The following LPIN1 variants were observed in gnomAD, a reference collection of about 807,000 sequenced individuals.
LPIN1 encodes lipin 1, also known as phosphatidate phosphatase LPIN1.
A neutral mutation model predicts 107.5 loss-of-function variants in LPIN1; 71 were observed. That is an observed-to-expected ratio of 0.66 (90% confidence interval 0.55 to 0.80). The LOEUF (loss-of-function observed/expected upper bound fraction) is 0.80. Among genes scored for constraint, LPIN1 ranks in the 30% least tolerant of loss-of-function variants. LPIN1 has a pLI of 0.00. For missense variants in LPIN1, 1,043 were observed against 1,160.6 expected (o/e 0.90, Z 1.47); for synonymous variants, 445 against 452.6 (o/e 0.98, Z 0.21).
chr2:11,759,133 TTTTCTTTCTTTCTTTCTTTCTTTCTTTC>T (rs201897285), intron 1 of LPIN1, among the ~76,000 whole-genome samples: 17 of 131,534 alleles, frequency 1.3e-4, no homozygotes, highest in African/African-American at 3.8e-4. Context: ...GCTTTCTTTC[TTTTCTTTCTTTCTTTCTTTCTTTCTTTC>T]TTTCTTTCTT....
At chr2:11,680,662 A>G (rs1303291837) in intron 1 of LPIN1, among the ~76,000 whole-genome samples, 1 of 152,204 alleles carries the variant, frequency 6.6e-6, no homozygotes. Context: ...CTGCGGGGTC[A>G]GCTTGAGCAA....
intron 12 of LPIN1, among the ~76,000 whole-genome samples, chr2:11,790,271 G>A (rs1471574145): frequency 2.0e-5 from 3 of 152,218 alleles, no homozygotes; most frequent in Non-Finnish European, 4.4e-5. Flanking sequence ...GATCTCATAT[G>A]ATGAGGATCT....
intron 1 of LPIN1, among the ~76,000 whole-genome samples, chr2:11,704,717 TCA>T (rs1285563807): frequency 2.0e-5 from 3 of 152,140 alleles, no homozygotes; most frequent in Non-Finnish European, 4.4e-5. Context: ...GGTAAATGTC[TCA>T]CAGTCACACA....
At chr2:11,743,651 G>A (rs1358794609), upstream of LPIN1, among the ~76,000 whole-genome samples, 1 of 152,172 alleles carries the variant, frequency 6.6e-6, no homozygotes, top group African/African-American at 2.4e-5. This position sits in a 1 kb window ranked among gnomAD's most constrained non-coding sequence, Gnocchi z 4.7. Context: ...CTGGTGCCAG[G>A]GATAAAAGTC....
chr2:11,789,901 T>C (rs1421774498), intron 12 of LPIN1, among the ~76,000 whole-genome samples: 1 of 152,256 alleles, frequency 6.6e-6, no homozygotes, highest in Non-Finnish European at 1.5e-5. Context: ...AGTCAGTAAC[T>C]TTTGACTATA....
rs1421899260 is a variant in LPIN1 at position 11,697,492 on chromosome 2, C to A, written c.82-16264C>A. ...TTTGGCCTAGAAGCTGGAAGTCTGC[C>A]CGAATCTGTGCGTCGTGTCTTGGGA... On this transcript the variant is annotated intron_variant, in intron 1 of 21. Coordinates refer to the LPIN1 transcript ENST00000449576. This position sits in a 1 kb window ranked among gnomAD's most constrained non-coding sequence, Gnocchi z 4.6. 6.6e-6 allele frequency among the ~76,000 whole-genome samples: 1 copy of A among 152,234 alleles called. No homozygotes were observed. The highest frequency in any genetic ancestry group is 1.5e-5 in the Non-Finnish European group (1 of 68,046).
At position 11,806,004 on chromosome 2, in the gene LPIN1, C is replaced by T. The variant is rs79946866; in HGVS notation, c.2249+848C>T. Among the ~76,000 whole-genome samples, 1,233 of 152,310 alleles carry T rather than the reference C, an allele frequency of 8.1e-3. 71 individuals carry two copies. The East Asian group carries it at 0.15, about 19-fold the overall frequency. On this transcript the variant is annotated intron_variant, in intron 17 of 20. Coordinates refer to ENST00000674199, the MANE Select transcript of LPIN1 (RefSeq NM_001349206.2). ...GTCTCCCATGCGAGTGAAATCTCCC[C>T]CTCCACAGCATTCTGTTCTCCAGCC...
rs146931594 is a variant in LPIN1, at chr2:11,788,123, C to T, written c.1644-264C>T. The stretch of plus-strand genomic sequence containing the variant: ...GTCGTGGTTTGGTGCAGCAGCTGTA[C>T]GGTGGGATTTGGGCTGCTGGCATGT... On this transcript the variant is annotated intron_variant, in intron 11 of 20. Coordinates refer to ENST00000674199, the MANE Select transcript of LPIN1 (RefSeq NM_001349206.2). Among the ~76,000 whole-genome samples the T allele has an allele frequency of 6.4e-3, 970 of 152,130 alleles. 14 individuals carry two copies. The highest frequency in any genetic ancestry group is 0.022 in the African/African-American group (921 of 41,486).
chr2:11,794,817 C>T (rs1216299604), intron 13 of LPIN1, among the ~76,000 whole-genome samples: 1 of 152,156 alleles, frequency 6.6e-6, no homozygotes, highest in Non-Finnish European at 1.5e-5. Flanking sequence ...AGAATTTCAC[C>T]CGTTTCACAG....
intron 1 of LPIN1, among the ~76,000 whole-genome samples, chr2:11,733,980 G>A (rs1220119277): frequency 6.6e-6 from 1 of 152,226 alleles, no homozygotes; most frequent in Non-Finnish European, 1.5e-5. Flanking sequence ...CAGCTAGTAA[G>A]GGGCAGGGCT....
intron 17 of LPIN1, among the ~76,000 whole-genome samples, chr2:11,808,894 C>T (rs1160362845): frequency 1.3e-5 from 2 of 148,940 alleles, no homozygotes; most frequent in East Asian, 2.0e-4. Flanking sequence ...AAAGAGAGAG[C>T]GAGAGAGAGA....
At chr2:11,758,965 T>G (rs2148597785) in intron 1 of LPIN1, among the ~76,000 whole-genome samples, 1 of 152,364 alleles carries the variant, frequency 6.6e-6, no homozygotes, top group East Asian at 1.9e-4. Flanking sequence ...AAGATGCTTC[T>G]TCAGTTGCTA....
chr2:11,715,713 T>C (rs1231448661), intron 2 of LPIN1, among the ~76,000 whole-genome samples: 2 of 151,770 alleles, frequency 1.3e-5, no homozygotes, highest in African/African-American at 4.8e-5. Flanking sequence ...TTCTGCAGGG[T>C]ATTGAAAGAG....
Position 11,800,020 on chromosome 2 carries a change from C to T in LPIN1, c.1887-2887C>T, listed in dbSNP as rs9677740. Among the ~76,000 whole-genome samples the T allele has an allele frequency of 9.5e-3, 1,450 of 152,348 alleles. 24 individuals are homozygous for T. Among genetic ancestry groups the T allele is most frequent in the Middle Eastern group, 0.037 (11 of 294 alleles). On this transcript the variant is annotated intron_variant, in intron 14 of 20. Transcript: ENST00000674199. ...TTCTAGCCGATGCTCTGTTTTCCTT[C>T]AACTCAGCCTCCTGTTCCCATGGCG...
At chr2:11,730,052 T>C (rs181989350) in intron 1 of LPIN1, among the ~76,000 whole-genome samples, 20 of 152,300 alleles carry the variant, frequency 1.3e-4, no homozygotes, top group Admixed American at 5.9e-4. Flanking sequence ...GTATTAATTA[T>C]TATTTATTCC....
At chr2:11,703,533 A>G (rs1405913592) in intron 1 of LPIN1, among the ~76,000 whole-genome samples, 1 of 152,228 alleles carries the variant, frequency 6.6e-6, no homozygotes, top group Non-Finnish European at 1.5e-5. Flanking sequence ...ATAAAGCAAT[A>G]GGATTAGATT....
rs1367409091 is a variant in LPIN1, at chr2:11,771,398, C to T, written c.315C>T (p.Thr105=). 1 of 1,614,104 alleles carries T rather than the reference C, an allele frequency of 6.2e-7. No individual in the cohort carries two copies. The highest frequency in any genetic ancestry group is 1.3e-5 in the African/African-American group (1 of 74,928). ...DQEVIPMHLA[T]SPILSEGASR... ...AAGTTATCCCTATGCACCTGGCCAC[C>T]TCCCCCATCCTGTCAGAAGGAGCTT... Residue 105 remains threonine (T), a synonymous_variant, in exon 4 of 21, where the codon ACC becomes ACT. Transcript: ENST00000674199. The surrounding 1 kb of genome is among the most constrained non-coding windows in gnomAD (Gnocchi z 4.8).
intron 4 of LPIN1, among the ~76,000 whole-genome samples, chr2:11,772,932 CTCTA>C (rs4027156): frequency 0.61 from 93,225 of 151,598 alleles, 30,961 homozygotes; most frequent in African/African-American, 0.87. Context: ...CAACTACAGC[CTCTA>C]TCTAACCTGT....
At chr2:11,773,576 T>C in intron 4 of LPIN1, 44 bp from the exon 5 acceptor site, 1 of 1,560,688 alleles carries the variant, frequency 6.4e-7, no homozygotes, top group Non-Finnish European at 8.8e-7. Flanking sequence ...TATGAATCTA[T>C]CATTAAGAAT....
Sources: gnomAD v4.1 joint callset for allele counts (sites outside exome capture counted in the v4.1 genomes callset) on GRCh38, gnomAD v4.1.1 for gene constraint, Gnocchi (gnomAD v3.1) non-coding constraint, MANE v1.5 for transcripts, NCBI Gene and HGNC (gene_info 2026-07-23, HGNC 2026-07-21) for gene names.